IDH2: variants seen among roughly 807,000 people sequenced by gnomAD.
IDH2 encodes isocitrate dehydrogenase [NADP], mitochondrial.
In IDH2, 18 loss-of-function variants were observed where a neutral mutation model predicts 50.5. The observed-to-expected ratio is 0.36, with a 90% CI of 0.25 to 0.53. The LOEUF is 0.53. Among genes scored for constraint, IDH2 ranks in the 20% least tolerant of loss-of-function variants. IDH2 has a pLI of 0.92. For synonymous variants in IDH2, 280 were observed against 239.8 expected (o/e 1.17, Z -1.55); for missense variants, 518 against 610.7 (o/e 0.85, Z 1.60).
At chr15:90,087,688 C>G (rs1485921479) in intron 5 of IDH2, 113 bp from the exon 6 acceptor site, 4 of 1,239,264 alleles carry the variant, frequency 3.2e-6, no homozygotes, top group Non-Finnish European at 3.5e-6. Flanking sequence ...CCGCCGCCCA[C>G]GCGACTGTTT....
At chr15:90,097,447 C>G (rs185086207) in intron 1 of IDH2, among the ~76,000 whole-genome samples, 1 of 152,114 alleles carries the variant, frequency 6.6e-6, no homozygotes, top group Non-Finnish European at 1.5e-5. Flanking sequence ...ATAAGGGGGA[C>G]TACTGTTATC....
intron 2 of IDH2, 101 bp downstream of exon 2, chr15:90,091,452 C>CG (rs11316815): frequency 1.2e-5 from 10 of 862,536 alleles, no homozygotes; most frequent in Admixed American, 5.2e-5. Flanking sequence ...ACCAGGACAA[C>CG]GGGGGGGTCC....
At position 90,087,560 on chromosome 15, in the gene IDH2, C is replaced by G; in HGVS notation, c.694G>C (p.Ala232Pro). Residue 232 changes from alanine (A) to proline (P), a missense_variant, in exon 6 of 11, where the codon GCG becomes CCG. Physicochemically the swap from Ala to Pro is conservative, Grantham distance 27. This residue lies in a region of IDH2 where 207 missense variants were observed against 208.6 expected (regional missense o/e 0.99). Transcript: ENST00000330062. ...ATGGCATACTGGAAGCAGCTGTGCG[C>G]AAAACCTGAGATGGACTGCAGGGGG... ...YNTDESISGFAHSCFQYAIQK... is the reference protein window; with the variant it reads ...YNTDESISGFPHSCFQYAIQK... 6.2e-7 allele frequency: 1 copy of G among 1,613,618 alleles called. No homozygotes were observed. Among genetic ancestry groups the G allele is most frequent in the Non-Finnish European group, 8.5e-7 (1 of 1,180,042 alleles).
chr15:90,097,671 G>A (rs891272129), intron 1 of IDH2, among the ~76,000 whole-genome samples: 2 of 119,726 alleles, frequency 1.7e-5, no homozygotes, highest in African/African-American at 5.1e-5. Flanking sequence ...CTGGGGACGG[G>A]AAGTGGGGAG....
rs1454622947 is a variant in IDH2 at position 90,100,723 on chromosome 15, G to A, written c.115+1553C>T. 11 of 874,894 alleles carry A rather than the reference G, an allele frequency of 1.3e-5. No homozygotes were observed. Among genetic ancestry groups the A allele is most frequent in the Non-Finnish European group, 1.4e-5 (10 of 729,104 alleles). The allele number at this position is 874,894 out of a possible 1,614,324, so 54.2% of individuals were successfully genotyped here. A position where few individuals can be genotyped will look rare whatever the true frequency, so the allele number is the denominator to read the frequency against. ...CATCAAGGGGAATGCCAAGTATTCT[G>A]TCTCCAGCTGCGTTGCCAGGTAACA... On this transcript the variant is annotated intron_variant, in intron 1 of 10. Coordinates refer to ENST00000330062, the MANE Select transcript of IDH2 (RefSeq NM_002168.4). The surrounding 1 kb of genome is among the most constrained non-coding windows in gnomAD (Gnocchi z 4.1).
In IDH2 at chr15:90,088,487, A is replaced by G; in HGVS notation, c.550T>C (p.Phe184Leu). The G allele has an allele frequency of 6.2e-7, 1 of 1,614,178 alleles. No individual in the cohort carries two copies. Among genetic ancestry groups the G allele is most frequent in the Non-Finnish European group, 8.5e-7 (1 of 1,180,024 alleles). Residue 184 changes from phenylalanine (F) to leucine (L), a missense_variant, in exon 5 of 11, where the codon TTT becomes CTT. Phe to Leu is a conservative substitution (Grantham distance 22). Around this residue, in one of 5 missense-constraint regions of IDH2, gnomAD observed 207 missense variants for 208.6 expected, o/e 0.99. Coordinates refer to ENST00000330062, the MANE Select transcript of IDH2 (RefSeq NM_002168.4). ...AAAGTGCCGGCCCGGTCTGCCACAA[A>G]GTCTGTGGCCTTGTACTGCAGAGAC... is the stretch of plus-strand genomic sequence containing the variant. Reference protein sequence around the residue: ...AHGDQYKATDFVADRAGTFKM... With the variant: ...AHGDQYKATDLVADRAGTFKM...
chr15:90,096,083 G>A (rs1901173916), intron 1 of IDH2, among the ~76,000 whole-genome samples: 1 of 152,162 alleles, frequency 6.6e-6, no homozygotes, highest in Non-Finnish European at 1.5e-5. Context: ...GATCACTTGA[G>A]GTCAGGAGTT....
chr15:90,095,383 G>A (rs568823153), intron 1 of IDH2, among the ~76,000 whole-genome samples: 1 of 152,032 alleles, frequency 6.6e-6, no homozygotes, highest in East Asian at 1.9e-4. Context: ...TGCAGAACCT[G>A]CGGAAAGTCT....
chr15:90,102,173 C>T (rs1052299279), intron 1 of IDH2, 103 bp downstream of exon 1: 39 of 424,708 alleles, frequency 9.2e-5, no homozygotes, highest in Non-Finnish European at 1.5e-4. Context: ...CCGCCGTCCC[C>T]GGGCTGCGGG....
chr15:90,085,072 G>A lies in IDH2; in HGVS notation c.1107C>T (p.Ile369=), dbSNP rs199985988. ...QKGRPTSTNP[I]ASIFAWTRGL... ...CACGTGTCCAGGCAAAGATGCTGGC[G>A]ATGGGGTTGGTGCTGGTGGGCCGGC... Residue 369 remains isoleucine, a synonymous_variant, in exon 9 of 11, where the codon ATC becomes ATT. Transcript: ENST00000330062. This position sits in a 1 kb window ranked among gnomAD's most constrained non-coding sequence, Gnocchi z 5.5. The A allele has an allele frequency of 9.9e-6, 16 of 1,613,858 alleles. No individual in the cohort carries two copies. Among genetic ancestry groups the A allele is most frequent in the African/African-American group, 8.0e-5 (6 of 74,940 alleles).
Position 90,088,685 on chromosome 15 carries a change from T to TC in IDH2, c.435dup (p.Thr146AspfsTer126), listed in dbSNP as rs747216375. The TC allele has an allele frequency of 1.2e-6, 2 of 1,613,506 alleles. No homozygotes were observed. Among genetic ancestry groups the TC allele is most frequent in the Non-Finnish European group, 1.7e-6 (2 of 1,179,936 alleles). On this transcript the variant is annotated frameshift_variant, in exon 4 of 11. Coordinates refer to ENST00000330062, the MANE Select transcript of IDH2 (RefSeq NM_002168.4). LOFTEE classifies it high-confidence loss of function. Reference sequence around the variant, plus strand: ...CAGATGATGGGCTCCCGGAAGACAGTCCCCCCCAGGATGTTCCGGATAGTT... The same window carrying TC: ...CAGATGATGGGCTCCCGGAAGACAGTCCCCCCCCAGGATGTTCCGGATAGTT...
At chr15:90,095,274 T>C (rs1901152630) in intron 1 of IDH2, among the ~76,000 whole-genome samples, 1 of 152,092 alleles carries the variant, frequency 6.6e-6, no homozygotes, top group South Asian at 2.1e-4. Context: ...AAAAGGTGGC[T>C]GGCTGCTGGC....
rs555599288 is a variant in IDH2, at chr15:90,100,140, C to T, written c.115+2136G>A. Among the ~76,000 whole-genome samples the T allele has an allele frequency of 1.3e-5, 2 of 152,264 alleles. No homozygotes were observed. Among genetic ancestry groups the T allele is most frequent in the East Asian group, 1.9e-4 (1 of 5,178 alleles). ...GGCATCTCTCTCCAGCAATAGGCCC[C>T]ATGCCCTGAAGAAGCTTACAACCTA... is the stretch of plus-strand genomic sequence containing the variant. On this transcript the variant is annotated intron_variant, in intron 1 of 10. Transcript: ENST00000330062. This position sits in a 1 kb window ranked among gnomAD's most constrained non-coding sequence, Gnocchi z 4.1.
chr15:90,091,896 G>C (rs573337549), intron 1 of IDH2, among the ~76,000 whole-genome samples: 2 of 152,348 alleles, frequency 1.3e-5, no homozygotes, highest in Non-Finnish European at 1.5e-5. Context: ...CTTTAGTGCA[G>C]GTCCACGGAC....
In IDH2 at chr15:90,098,507, T is replaced by TATGTATGTATGTATGTATGTATGC. The variant is rs1901238452; in HGVS notation, c.115+3768_115+3769insGCATACATACATACATACATACAT. Among the ~76,000 whole-genome samples, 1 of 42,680 alleles carries TATGTATGTATGTATGTATGTATGC rather than the reference T, an allele frequency of 2.3e-5. No individual in the cohort carries two copies. The allele number at this position is 42,680 out of a possible 152,430, so 28.0% of individuals were successfully genotyped here. A position where few individuals can be genotyped will look rare whatever the true frequency, so the allele number is the denominator to read the frequency against. On this transcript the variant is annotated intron_variant, in intron 1 of 10. Coordinates refer to ENST00000330062, the MANE Select transcript of IDH2 (RefSeq NM_002168.4). This position sits in a 1 kb window ranked among gnomAD's most constrained non-coding sequence, Gnocchi z 5.1. ...GGACAGCAACTTTGTATATTTTATG[T>TATGTATGTATGTATGTATGTATGC]ATGTATGTATGTATGTATGCATGCA...
intron 5 of IDH2, 35 bp downstream of exon 5, chr15:90,088,324 A>C (rs763812921): frequency 6.2e-7 from 1 of 1,610,506 alleles, no homozygotes; most frequent in Non-Finnish European, 8.5e-7. Flanking sequence ...ACAAGCTGGG[A>C]GAGGAGGGGC....
rs1596072278 is a variant in IDH2 at position 90,085,273 on chromosome 15, A to C, written c.1080+2T>G. ...TTGTGAGGCCCCATGCCCTGCACTCACCTTCTGGTGCTCCCGATAGTGGCG... is the reference window on the plus strand; with the variant it reads ...TTGTGAGGCCCCATGCCCTGCACTCCCCTTCTGGTGCTCCCGATAGTGGCG... On this transcript the variant is annotated splice_donor_variant, in intron 8 of 10. Transcript: ENST00000330062. LOFTEE classifies it high-confidence loss of function. This position sits in a 1 kb window ranked among gnomAD's most constrained non-coding sequence, Gnocchi z 5.5. 6.4e-7 allele frequency: 1 copy of C among 1,556,826 alleles called. No homozygotes were observed. Among genetic ancestry groups the C allele is most frequent in the Non-Finnish European group, 8.7e-7 (1 of 1,149,192 alleles).
chr15:90,100,548 G>A lies in IDH2; in HGVS notation c.115+1728C>T. The A allele has an allele frequency of 1.2e-6, 1 of 828,940 alleles. No homozygotes were observed. Among genetic ancestry groups the A allele is most frequent in the Non-Finnish European group, 1.5e-6 (1 of 687,018 alleles). 51.3% of individuals were successfully genotyped at this position (828,940 alleles called of 1,614,324 possible). ...TGCCACTGAGCCGTTCACAGAACTG[G>A]TCCGCACTGCCCCAAGCTCTAACTT... On this transcript the variant is annotated intron_variant, in intron 1 of 10. Transcript: ENST00000330062. This position sits in a 1 kb window ranked among gnomAD's most constrained non-coding sequence, Gnocchi z 4.1.
rs1002717781 is a variant in IDH2, at chr15:90,085,235, G to A, written c.1080+40C>T. 67 of 1,513,556 alleles carry A rather than the reference G, an allele frequency of 4.4e-5. No individual in the cohort carries two copies. The highest frequency in any genetic ancestry group is 5.8e-5 in the Non-Finnish European group (64 of 1,106,072). The allele number at this position is 1,513,556 out of a possible 1,614,324, so 93.8% of individuals were successfully genotyped here. A position where few individuals can be genotyped will look rare whatever the true frequency, so the allele number is the denominator to read the frequency against. ...CAGCCCAGTGGGCTTTAGGCCCCTG[G>A]GGTAGAGGGGCATTGTGAGGCCCCA... On this transcript the variant is annotated intron_variant, in intron 8 of 10. Transcript: ENST00000330062. This position sits in a 1 kb window ranked among gnomAD's most constrained non-coding sequence, Gnocchi z 5.5.
Sources: gnomAD v4.1 joint callset for allele counts (sites outside exome capture counted in the v4.1 genomes callset) on GRCh38, gnomAD v4.1.1 for gene constraint, gnomAD v4.1.1 regional missense constraint, Gnocchi (gnomAD v3.1) non-coding constraint, MANE v1.5 for transcripts, NCBI Gene and HGNC (gene_info 2026-07-23, HGNC 2026-07-21) for gene names.